FANCC: variants seen among roughly 807,000 people sequenced by gnomAD.
FANCC encodes the protein Fanconi anemia group C protein.
A neutral mutation model predicts 71.3 loss-of-function variants in FANCC; 55 were observed. The ratio of observed to expected loss-of-function variants is 0.77; its 90% CI spans 0.62 to 0.97. The LOEUF (loss-of-function observed/expected upper bound fraction) is 0.97, where lower values mean the gene tolerates loss of function less well. Ranked by LOEUF, FANCC falls within the 50% of genes least tolerant of loss-of-function variation. The pLI is 0.00. For synonymous variants in FANCC, 275 were observed against 244.9 expected (o/e 1.12, Z -1.15); for missense variants, 678 against 670.9 (o/e 1.01, Z -0.12).
chr9:95,250,989 C>T (rs1386024854), intron 1 of FANCC, among the ~76,000 whole-genome samples: 1 of 152,222 alleles, frequency 6.6e-6, no homozygotes, highest in Non-Finnish European at 1.5e-5. Flanking sequence ...CAAAACATGG[C>T]TCCAGCACCG....
At chr9:95,111,394 C>A (rs750126575) in intron 13 of FANCC, 69 bp downstream of exon 13, 2 of 1,597,418 alleles carry the variant, frequency 1.3e-6, no homozygotes, top group African/African-American at 1.3e-5. Context: ...CAACAGAGCC[C>A]CTCTCTGCAA....
chr9:95,103,214 G>A (rs1424940940), intron 14 of FANCC, among the ~76,000 whole-genome samples: 1 of 151,978 alleles, frequency 6.6e-6, no homozygotes, highest in African/African-American at 2.4e-5. Flanking sequence ...AGGCCGAGTT[G>A]TCATTACAAA....
chr9:95,105,009 G>T (rs974307142), intron 14 of FANCC, among the ~76,000 whole-genome samples: 2 of 152,238 alleles, frequency 1.3e-5, no homozygotes, highest in African/African-American at 4.8e-5. Flanking sequence ...CATTGTTGCA[G>T]GTGTGCATTT....
chr9:95,275,629 A>C (rs955748093), intron 1 of FANCC, among the ~76,000 whole-genome samples: 3 of 152,180 alleles, frequency 2.0e-5, no homozygotes, highest in Admixed American at 6.5e-5. Flanking sequence ...CTTTCTGCTC[A>C]ATTTTGCTGT....
At chr9:95,113,211 T>A (rs1252076606) in intron 12 of FANCC, among the ~76,000 whole-genome samples, 2 of 152,024 alleles carry the variant, frequency 1.3e-5, no homozygotes, top group Non-Finnish European at 2.9e-5. Flanking sequence ...AGAATCATGG[T>A]GAGGAAGGAG....
rs71366285 is a variant in FANCC at position 95,284,877 on chromosome 9, TACACAC to T, written c.-79+32643_-79+32648del. ...CCTCTCTCTCACACACACACACACA[TACACAC>T]ACACACACACACACACACACAAACA... On this transcript the variant is annotated intron_variant, in intron 1 of 14. Transcript: ENST00000289081. 1.8e-3 allele frequency among the ~76,000 whole-genome samples: 264 copies of T among 147,670 alleles called. 1 individual carries two copies. The highest frequency in any genetic ancestry group is 8.0e-3 in the South Asian group (37 of 4,620).
rs566802349 is a variant in FANCC at position 95,153,321 on chromosome 9, G to A, written c.522-3234C>T. On this transcript the variant is annotated intron_variant, in intron 6 of 14. Coordinates refer to ENST00000289081, the MANE Select transcript of FANCC (RefSeq NM_000136.3). ...ATGCTATAAAAATACATATGCAAGTGGTTTTTTTTTTATATAAAGACATCT... is the reference window on the plus strand; with the variant it reads ...ATGCTATAAAAATACATATGCAAGTAGTTTTTTTTTTATATAAAGACATCT... Among the ~76,000 whole-genome samples the A allele has an allele frequency of 7.9e-5, 12 of 151,954 alleles. No homozygotes were observed. The East Asian group carries it at 2.3e-3, about 29-fold the overall frequency.
At chr9:95,148,590 A>C (rs1345587475) in intron 7 of FANCC, among the ~76,000 whole-genome samples, 1 of 152,238 alleles carries the variant, frequency 6.6e-6, no homozygotes, top group Non-Finnish European at 1.5e-5. Context: ...ATTTCTGATG[A>C]GCTCCATGGT....
chr9:95,216,603 C>T (rs1365508796), intron 4 of FANCC, among the ~76,000 whole-genome samples: 1 of 152,194 alleles, frequency 6.6e-6, no homozygotes, highest in South Asian at 2.1e-4. Flanking sequence ...GACAGGTTTG[C>T]TAACTGTCCA....
At chr9:95,213,251 A>G (rs1022045264) in intron 4 of FANCC, among the ~76,000 whole-genome samples, 17 of 152,164 alleles carry the variant, frequency 1.1e-4, no homozygotes, top group Non-Finnish European at 2.2e-4. Context: ...GCTGCCCTAG[A>G]GCAGCCAGTA....
intron 4 of FANCC, among the ~76,000 whole-genome samples, chr9:95,183,103 C>A (rs1373072964): frequency 6.6e-6 from 1 of 152,158 alleles, no homozygotes; most frequent in East Asian, 1.9e-4. Context: ...CACCTCCAGA[C>A]CTTTTCCTTC....
chr9:95,248,665 AAAT>A (rs1320141372), intron 2 of FANCC, among the ~76,000 whole-genome samples: 2 of 151,844 alleles, frequency 1.3e-5, no homozygotes, highest in Non-Finnish European at 1.5e-5. Context: ...TAAATTTTGA[AAAT>A]AATAAATTAT....
chr9:95,183,192 C>G (rs1293145984), intron 4 of FANCC, among the ~76,000 whole-genome samples: 1 of 152,188 alleles, frequency 6.6e-6, no homozygotes, highest in African/African-American at 2.4e-5. Flanking sequence ...TCACCTTTCT[C>G]TAGGATTCCT....
At chr9:95,308,488 G>T (rs983972531) in intron 1 of FANCC, among the ~76,000 whole-genome samples, 5 of 151,832 alleles carry the variant, frequency 3.3e-5, no homozygotes, top group African/African-American at 1.2e-4. Flanking sequence ...GTTTCACCCT[G>T]TTGGCCAGGC....
intron 13 of FANCC, 61 bp from the exon 14 acceptor site, chr9:95,107,330 G>GATTT: frequency 6.5e-7 from 1 of 1,543,344 alleles, no homozygotes. Context: ...ATACTTCTAG[G>GATTT]ATTTATTTAT....
At chr9:95,135,601 G>T in intron 7 of FANCC, 99 bp from the exon 8 acceptor site, 1 of 978,122 alleles carries the variant, frequency 1.0e-6, no homozygotes, top group Non-Finnish European at 1.6e-6. Flanking sequence ...CAATTTGTGA[G>T]ACTTCTCATC....
intron 7 of FANCC, among the ~76,000 whole-genome samples, chr9:95,142,705 G>A (rs1828946494): frequency 6.6e-6 from 1 of 152,144 alleles, no homozygotes; most frequent in Admixed American, 6.6e-5. Context: ...ACTCTCAGAA[G>A]TGGCATGGTC....
At chr9:95,288,549 T>C (rs966170799) in intron 1 of FANCC, among the ~76,000 whole-genome samples, 1 of 152,178 alleles carries the variant, frequency 6.6e-6, no homozygotes, top group Non-Finnish European at 1.5e-5. Flanking sequence ...TGGATTTCTT[T>C]TTATTTGTTC....
At chr9:95,111,975 C>T (rs1235021914) in intron 12 of FANCC, among the ~76,000 whole-genome samples, 1 of 152,202 alleles carries the variant, frequency 6.6e-6, no homozygotes, top group African/African-American at 2.4e-5. Context: ...CGGCACACCT[C>T]CCTGCCTTCT....
Sources: allele counts gnomAD v4.1 joint callset (sites outside exome capture counted in the v4.1 genomes callset), GRCh38; gene constraint gnomAD v4.1.1; transcripts MANE v1.5; gene names NCBI Gene and HGNC (gene_info 2026-07-23, HGNC 2026-07-21).